NHS: variants seen among roughly 807,000 people sequenced by gnomAD.
The protein encoded by NHS is actin remodeling regulator NHS.
Under a neutral mutation model 72.5 loss-of-function variants are expected in NHS, and 5 were observed. The ratio of observed to expected loss-of-function variants is 0.07; its 90% CI spans 0.04 to 0.14. The LOEUF is 0.14. NHS is among the 10% of genes least tolerant of loss of function. The pLI is 1.00. For synonymous variants in NHS, 464 were observed against 547.7 expected (o/e 0.85, Z 2.13); for missense variants, 1,072 against 1,355.7 (o/e 0.79, Z 3.29).
chrX:17,413,125 GTGCACACACGCACAC>G (rs2064570566), intron 1 of NHS, among the ~76,000 whole-genome samples: 1 of 111,964 alleles, frequency 8.9e-6, no homozygotes, highest in East Asian at 2.8e-4. Flanking sequence ...GTGTGTGTGC[GTGCACACACGCACAC>G]ACATACACAC....
At chrX:17,593,322 A>T (rs1420760480) in intron 1 of NHS, among the ~76,000 whole-genome samples, 1 of 111,341 alleles carries the variant, frequency 9.0e-6, no homozygotes, top group Non-Finnish European at 1.9e-5. Flanking sequence ...CTTGATAAGC[A>T]TTCCTGCTTT....
intron 1 of NHS, among the ~76,000 whole-genome samples, chrX:17,583,278 T>C (rs937843718): frequency 5.4e-5 from 6 of 111,611 alleles, no homozygotes; most frequent in Non-Finnish European, 9.4e-5. Context: ...GATAATGAAC[T>C]ATGTCAGGTG....
chrX:17,398,968 T>C (rs181108880), intron 1 of NHS, among the ~76,000 whole-genome samples: 1 of 112,362 alleles, frequency 8.9e-6, no homozygotes, highest in East Asian at 2.8e-4. Context: ...CTATATCTTT[T>C]CTTCTTAATT....
chrX:17,618,276 A>T (rs2065756055), intron 1 of NHS, among the ~76,000 whole-genome samples: 1 of 111,979 alleles, frequency 8.9e-6, no homozygotes, highest in African/African-American at 3.2e-5. Flanking sequence ...TACCACCATT[A>T]TGAAAAATTC....
At chrX:17,577,128 T>C in intron 1 of NHS, among the ~76,000 whole-genome samples, 1 of 111,748 alleles carries the variant, frequency 8.9e-6, no homozygotes, top group Non-Finnish European at 1.9e-5. Context: ...AGTGTAGCCA[T>C]TGTTTCTTCT....
Position 17,726,438 on chromosome X carries a change from T to C in NHS, c.2332T>C (p.Ser778Pro), listed in dbSNP as rs1486035111. 1 of 1,210,622 alleles carries C rather than the reference T, an allele frequency of 8.3e-7. No individual in the cohort carries two copies. Among genetic ancestry groups the C allele is most frequent in the Non-Finnish European group, 1.1e-6 (1 of 895,323 alleles). ...SDKADTSSHF[S>P]VDTEGYYTSM... Reference sequence around the variant, plus strand: ...CAAAGCGGACACTAGCTCTCACTTTTCAGTAGACACGGAAGGATACTATAC... The same window carrying C: ...CAAAGCGGACACTAGCTCTCACTTTCCAGTAGACACGGAAGGATACTATAC... The change falls in exon 7 of 9, where the codon TCA (serine) becomes CCA (proline). Residue 778 changes from serine (S) to proline (P), a missense_variant. Coordinates refer to ENST00000676302, the MANE Select transcript of NHS (RefSeq NM_001291867.2).
intron 1 of NHS, among the ~76,000 whole-genome samples, chrX:17,416,373 G>A (rs931218425): frequency 1.8e-5 from 2 of 111,774 alleles, no homozygotes; most frequent in African/African-American, 6.5e-5. Context: ...CACATGTGAT[G>A]TGCAGGTCTC....
chrX:17,720,974 TC>T (rs2066402812), intron 4 of NHS, among the ~76,000 whole-genome samples: 1 of 112,300 alleles, frequency 8.9e-6, no homozygotes, highest in South Asian at 3.7e-4. Flanking sequence ...GGTTGGCTTG[TC>T]CTTCAGGTGA....
At chrX:17,550,000 G>A (rs2065323372) in intron 1 of NHS, among the ~76,000 whole-genome samples, 1 of 111,567 alleles carries the variant, frequency 9.0e-6, no homozygotes, top group African/African-American at 3.3e-5. Context: ...CAAATGCAGG[G>A]CATTTAAACT....
At chrX:17,444,050 C>T (rs2064768146) in intron 1 of NHS, among the ~76,000 whole-genome samples, 1 of 111,339 alleles carries the variant, frequency 9.0e-6, no homozygotes, top group Non-Finnish European at 1.9e-5. Context: ...GTGACTGGCT[C>T]TCTCTGACTT....
At chrX:17,387,419 G>A (rs1245478934) in intron 1 of NHS, among the ~76,000 whole-genome samples, 1 of 111,615 alleles carries the variant, frequency 9.0e-6, no homozygotes, top group Non-Finnish European at 1.9e-5. Flanking sequence ...ATCTGCTTTG[G>A]CATGTTGGTC....
chrX:17,725,660 G>A lies in NHS; in HGVS notation c.1554G>A (p.Glu518=). 2 of 1,211,510 alleles carry A rather than the reference G, an allele frequency of 1.7e-6. No individual in the cohort carries two copies. The highest frequency in any genetic ancestry group is 1.8e-5 in the South Asian group (1 of 56,935). Residue 518 remains glutamate (E), a synonymous_variant, in exon 7 of 9, where the codon GAG becomes GAA. Coordinates refer to ENST00000676302, the MANE Select transcript of NHS (RefSeq NM_001291867.2). Reference sequence around the variant, plus strand: ...AAGGTAATAGAGGTGGGGATGCTGAGCCCAAAGTTGGCGCTAAACCCTCAG... The same window carrying A: ...AAGGTAATAGAGGTGGGGATGCTGAACCCAAAGTTGGCGCTAAACCCTCAG... The part of the protein sequence containing the change: ...PREGNRGGDA[E]PKVGAKPSAY...
intron 1 of NHS, among the ~76,000 whole-genome samples, chrX:17,443,019 G>A (rs1310792621): frequency 8.9e-6 from 1 of 111,806 alleles, no homozygotes; most frequent in Non-Finnish European, 1.9e-5. Context: ...AGGAAATCAG[G>A]CCATGCCAGC....
intron 1 of NHS, among the ~76,000 whole-genome samples, chrX:17,503,244 A>G (rs962456254): frequency 1.8e-5 from 2 of 112,266 alleles, no homozygotes; most frequent in African/African-American, 6.5e-5. Flanking sequence ...CTTTTTGATG[A>G]TGGCCAAACC....
At chrX:17,394,010 C>G (rs1169509330) in intron 1 of NHS, among the ~76,000 whole-genome samples, 2 of 111,703 alleles carry the variant, frequency 1.8e-5, no homozygotes, top group South Asian at 3.7e-4. Context: ...TTCCGCCCCC[C>G]CACCGCACCC....
chrX:17,482,847 A>G (rs751336687), intron 1 of NHS, among the ~76,000 whole-genome samples: 11 of 112,362 alleles, frequency 9.8e-5, no homozygotes, highest in Non-Finnish European at 2.1e-4. Flanking sequence ...TAATTGACAA[A>G]TAATACTTGT....
chrX:17,499,706 G>C (rs2065028704), intron 1 of NHS, among the ~76,000 whole-genome samples: 1 of 111,759 alleles, frequency 8.9e-6, no homozygotes, highest in African/African-American at 3.3e-5. Context: ...TATCTGCAGG[G>C]AGAGAGCTTT....
Position 17,523,770 on chromosome X carries a change from C to G in NHS, c.565+147448C>G, listed in dbSNP as rs2065161094. On this transcript the variant is annotated intron_variant, in intron 1 of 8. Transcript: ENST00000676302. ...TGTCTTTCTCTCCCAACAGTGCCGG[C>G]AAAAGAAATAAGACCTCCAACCACC... Among the ~76,000 whole-genome samples, 3 of 111,882 alleles carry G rather than the reference C, an allele frequency of 2.7e-5. No homozygotes were observed. The South Asian group carries it at 1.1e-3, about 42-fold the overall frequency.
intron 1 of NHS, among the ~76,000 whole-genome samples, chrX:17,467,096 G>A (rs994583137): frequency 4.5e-5 from 5 of 111,626 alleles, no homozygotes; most frequent in Non-Finnish European, 7.5e-5. Flanking sequence ...GTAAGAAGAA[G>A]GGAACAGCCC....
Sources: allele counts gnomAD v4.1 joint callset (sites outside exome capture counted in the v4.1 genomes callset), GRCh38; gene constraint gnomAD v4.1.1; transcripts MANE v1.5; gene names NCBI Gene and HGNC (gene_info 2026-07-23, HGNC 2026-07-21).